THADA: variants seen among roughly 807,000 people sequenced by gnomAD.
THADA encodes the protein tRNA (32-2'-O)-methyltransferase regulator THADA.
In THADA, 213 loss-of-function variants were observed where a neutral mutation model predicts 219.8. The ratio of observed to expected loss-of-function variants is 0.97; its 90% confidence interval spans 0.87 to 1.09. The LOEUF is 1.09. Among genes scored for constraint, THADA ranks in the 50% least tolerant of loss-of-function variants. The pLI, the probability that THADA is intolerant of heterozygous loss-of-function variation, is 0.00. For synonymous variants in THADA, 1,018 were observed against 828.9 expected (o/e 1.23, Z -3.92); for missense variants, 2,956 against 2,311.3 (o/e 1.28, Z -5.72).
chr2:43,513,235 A>G (rs1690723030), intron 22 of THADA, among the ~76,000 whole-genome samples: 1 of 152,222 alleles, frequency 6.6e-6, no homozygotes, highest in Non-Finnish European at 1.5e-5. Flanking sequence ...GTTTCAATTG[A>G]AATGATAGAG....
rs138861684 is a variant in THADA at position 43,296,328 on chromosome 2, T to A, written c.4439-3115A>T. Among the ~76,000 whole-genome samples, 304 of 151,626 alleles carry A rather than the reference T, an allele frequency of 2.0e-3. 2 individuals carry two copies. Among genetic ancestry groups the A allele is most frequent in the African/African-American group, 6.4e-3 (266 of 41,472 alleles). On this transcript the variant is annotated intron_variant, in intron 31 of 37. Transcript: ENST00000405975. ...TCTCCCTCGGTCACCCAGGCTGGAG[T>A]GCAGTGGCACAATATTGGCTCACTG... is the stretch of plus-strand genomic sequence containing the variant.
intron 28 of THADA, among the ~76,000 whole-genome samples, chr2:43,423,840 T>TG (rs1173951294): frequency 6.6e-6 from 1 of 152,156 alleles, no homozygotes; most frequent in Non-Finnish European, 1.5e-5. Context: ...AGGGACTTTT[T>TG]GGCCTCTGAA....
At chr2:43,587,318 G>C (rs1378342541) in intron 4 of THADA, among the ~76,000 whole-genome samples, 6 of 152,180 alleles carry the variant, frequency 3.9e-5, no homozygotes, top group African/African-American at 1.4e-4. Context: ...ACTAGTTGAA[G>C]TGTTTACAGT....
At chr2:43,402,123 C>T (rs182849086) in intron 28 of THADA, among the ~76,000 whole-genome samples, 2 of 152,258 alleles carry the variant, frequency 1.3e-5, no homozygotes, top group East Asian at 3.9e-4. Flanking sequence ...AGGTGGAGAA[C>T]CTCCTGCTGC....
chr2:43,273,347 C>G (rs1672350008), intron 36 of THADA, among the ~76,000 whole-genome samples: 1 of 151,746 alleles, frequency 6.6e-6, no homozygotes, highest in African/African-American at 2.4e-5. Context: ...TTAGGCCAGG[C>G]TTGGAGATAG....
At chr2:43,430,673 G>C (rs1251932838) in intron 26 of THADA, 1 of 457,056 alleles carries the variant, frequency 2.2e-6, no homozygotes, top group South Asian at 1.5e-5. Context: ...CAGTGATAAG[G>C]ACAGGTCTAG....
intron 30 of THADA, chr2:43,333,061 T>A (rs944041346): frequency 1.3e-5 from 2 of 152,224 alleles, no homozygotes; most frequent in African/African-American, 4.8e-5. Flanking sequence ...ACTTCATATA[T>A]TTTCAAACTT....
chr2:43,304,231 G>C (rs1047541403), intron 31 of THADA, among the ~76,000 whole-genome samples: 3 of 152,074 alleles, frequency 2.0e-5, no homozygotes, highest in African/African-American at 7.2e-5. Context: ...AAAAATGCAA[G>C]GCCCAGAGTG....
intron 29 of THADA, among the ~76,000 whole-genome samples, chr2:43,379,240 C>T (rs1032318364): frequency 2.6e-5 from 4 of 151,872 alleles, no homozygotes; most frequent in Admixed American, 6.6e-5. Flanking sequence ...TTATGGACAA[C>T]CTCTTAAAAA....
Position 43,552,302 on chromosome 2 carries a change from T to A in THADA, c.2712A>T (p.Val904=). 1 of 1,604,720 alleles carries A rather than the reference T, an allele frequency of 6.2e-7. No homozygotes were observed. The change falls in exon 18 of 38, where the codon GTA becomes GTT. Residue 904 remains valine (V), a synonymous_variant. Transcript: ENST00000405975. ...GAAGCAGAGAATTTTCAGCCTGAGATACTTCTTCCTCAAGATTTTCCATCA... is the reference window on the plus strand; with the variant it reads ...GAAGCAGAGAATTTTCAGCCTGAGAAACTTCTTCCTCAAGATTTTCCATCA... ...KCLMENLEEE[V]SQAENSLLQA...
In THADA at chr2:43,578,543, CAT is replaced by C. The variant is rs1700093272; in HGVS notation, c.784_785del (p.Met262ValfsTer5). 1.2e-6 allele frequency: 2 copies of C among 1,612,534 alleles called. No homozygotes were observed. Among genetic ancestry groups the C allele is most frequent in the Non-Finnish European group, 8.5e-7 (1 of 1,178,850 alleles). On this transcript the variant is annotated frameshift_variant, in exon 9 of 38. Transcript: ENST00000405975. LOFTEE classifies it high-confidence loss of function. ...GAGGAATCTTTTCAGACGGGTGAAA[CAT>C]AGTCTTAATAAAAAGAATAATAGCT... ...GLAIILFIKT[M>X]FHPSEKIPHL...
intron 31 of THADA, among the ~76,000 whole-genome samples, chr2:43,319,017 T>C (rs1046793661): frequency 6.6e-6 from 1 of 152,248 alleles, no homozygotes; most frequent in African/African-American, 2.4e-5. Flanking sequence ...TGAGTAGATT[T>C]GTAAGCAATG....
Position 43,465,483 on chromosome 2 carries a change from G to A in THADA, c.3836+19751C>T, listed in dbSNP as rs542531792. 7.9e-5 allele frequency among the ~76,000 whole-genome samples: 12 copies of A among 152,268 alleles called. No individual in the cohort carries two copies. In the South Asian group the frequency reaches 1.0e-3, roughly 13 times the overall value. On this transcript the variant is annotated intron_variant, in intron 26 of 37. Coordinates refer to ENST00000405975, the MANE Select transcript of THADA (RefSeq NM_022065.5). ...TCTACAACTACCCAGATTCTTGGGA[G>A]GAAGAGCCCACAAAGTAGATTTTCT... is the stretch of plus-strand genomic sequence containing the variant.
intron 7 of THADA, among the ~76,000 whole-genome samples, chr2:43,584,493 G>T (rs951474179): frequency 1.3e-5 from 2 of 152,218 alleles, no homozygotes; most frequent in Admixed American, 6.5e-5. Flanking sequence ...AGCTCCTGCT[G>T]TGGAAAAAGG....
intron 26 of THADA, among the ~76,000 whole-genome samples, chr2:43,466,649 G>C (rs1684272567): frequency 6.6e-6 from 1 of 152,106 alleles, no homozygotes; most frequent in African/African-American, 2.4e-5. Flanking sequence ...ATGCTTACAA[G>C]AGCTAATTGT....
chr2:43,332,178 C>G (rs1057111628), intron 30 of THADA, among the ~76,000 whole-genome samples: 2 of 152,188 alleles, frequency 1.3e-5, no homozygotes, highest in African/African-American at 2.4e-5. Context: ...CTCCAACTCC[C>G]AGGTTCAAAC....
intron 36 of THADA, among the ~76,000 whole-genome samples, chr2:43,258,906 G>C (rs1450454778): frequency 6.6e-6 from 1 of 152,306 alleles, no homozygotes; most frequent in South Asian, 2.1e-4. Context: ...ACTAAAAACA[G>C]TAACTCTACA....
intron 29 of THADA, among the ~76,000 whole-genome samples, chr2:43,359,786 ATT>A (rs531629007): frequency 2.1e-5 from 3 of 145,458 alleles, no homozygotes; most frequent in Non-Finnish European, 3.0e-5. Flanking sequence ...TGTTAACTGG[ATT>A]TTTTTTTTTT....
intron 31 of THADA, among the ~76,000 whole-genome samples, chr2:43,314,181 G>C (rs530358186): frequency 7.5e-4 from 114 of 152,234 alleles, no homozygotes; most frequent in African/African-American, 2.6e-3. Flanking sequence ...TATATGAAGG[G>C]TATGGATGGA....
Sources: gnomAD v4.1 joint callset for allele counts (sites outside exome capture counted in the v4.1 genomes callset) on GRCh38, gnomAD v4.1.1 for gene constraint, MANE v1.5 for transcripts, NCBI Gene and HGNC (gene_info 2026-07-23, HGNC 2026-07-21) for gene names.